Variants in CCDC201 observed in about 807,000 individuals in gnomAD.
The protein encoded by CCDC201 is coiled-coil domain-containing protein 201.
exon 2 of CCDC201, chr7:45,866,457 G>A (rs1206123343): frequency 6.6e-6 from 1 of 152,302 alleles, no homozygotes; most frequent in Non-Finnish European, 1.5e-5. Context: ...GATTGCTAGA[G>A]AGGGGCTCTC....
At chr7:45,873,920 CTTTTTTTTT>C (rs201948561), upstream of CCDC201, among the ~76,000 whole-genome samples, 4 of 121,408 alleles carry the variant, frequency 3.3e-5, no homozygotes, top group East Asian at 9.2e-4. Flanking sequence ...CATTTACTTA[CTTTTTTTTT>C]TTTTTTTTTT....
chr7:45,884,633 A>G, the CCDC201 span, among the ~76,000 whole-genome samples: 1 of 151,684 alleles, frequency 6.6e-6, no homozygotes, highest in African/African-American at 2.4e-5. Context: ...CTGTCATCCC[A>G]CCATCATCTC....
At chr7:45,878,631 T>A in the CCDC201 span, among the ~76,000 whole-genome samples, 1 of 152,210 alleles carries the variant, frequency 6.6e-6, no homozygotes. Context: ...GGGCACCATG[T>A]CCCAAGGCTG....
At chr7:45,873,679 C>A (rs886701557), upstream of CCDC201, among the ~76,000 whole-genome samples, 19 of 152,322 alleles carry the variant, frequency 1.2e-4, no homozygotes, top group African/African-American at 4.6e-4. Flanking sequence ...AAAGGCAACA[C>A]GTGCCACAGA....
At chr7:45,876,117 G>A (rs567764913), upstream of CCDC201, among the ~76,000 whole-genome samples, 1 of 152,268 alleles carries the variant, frequency 6.6e-6, no homozygotes, top group Non-Finnish European at 1.5e-5. Context: ...TGGTTAGAAG[G>A]GGTCAGAGGG....
At chr7:45,860,604 G>T (rs1786587141) in exon 3 of CCDC201, 1 of 152,260 alleles carries the variant, frequency 6.6e-6, no homozygotes, top group African/African-American at 2.4e-5. Flanking sequence ...TAGAAATCTT[G>T]CCCTATGTCT....
chr7:45,871,633 C>A (rs999933307), intron 1 of CCDC201, among the ~76,000 whole-genome samples: 1 of 152,082 alleles, frequency 6.6e-6, no homozygotes, highest in Admixed American at 6.6e-5. Context: ...AAAAGATACA[C>A]CAATGCAAAG....
chr7:45,867,393 G>A (rs1374733292), intron 1 of CCDC201, among the ~76,000 whole-genome samples: 2 of 152,122 alleles, frequency 1.3e-5, no homozygotes, highest in Non-Finnish European at 2.9e-5. Context: ...TTGGTAGTAG[G>A]AGTAACAGTG....
At chr7:45,864,311 A>G (rs757557382) in intron 2 of CCDC201, among the ~76,000 whole-genome samples, 57 of 152,280 alleles carry the variant, frequency 3.7e-4, no homozygotes, top group Middle Eastern at 3.4e-3. Flanking sequence ...CATCCACAAC[A>G]TGCGTTCCAC....
chr7:45,875,599 C>T (rs554742025), upstream of CCDC201, among the ~76,000 whole-genome samples: 3 of 152,238 alleles, frequency 2.0e-5, no homozygotes, highest in South Asian at 6.2e-4. Flanking sequence ...TTTCTAAAAA[C>T]AACACCTAAT....
intron 1 of CCDC201, 123 bp from the exon 2 acceptor site, chr7:45,866,617 T>C (rs908931923): frequency 1.3e-5 from 2 of 152,228 alleles, no homozygotes; most frequent in Non-Finnish European, 2.9e-5. Flanking sequence ...CAGACCTAAG[T>C]TGTCGCCCAG....
intron 1 of CCDC201, among the ~76,000 whole-genome samples, chr7:45,868,672 GT>G (rs1473038855): frequency 6.6e-6 from 1 of 152,132 alleles, no homozygotes; most frequent in Non-Finnish European, 1.5e-5. Context: ...GATGAGCCCT[GT>G]ATTTTTCAAA....
At chr7:45,879,391 T>C in the CCDC201 span, among the ~76,000 whole-genome samples, 14 of 152,342 alleles carry the variant, frequency 9.2e-5, no homozygotes, top group African/African-American at 3.1e-4. Context: ...TTCATTCTCA[T>C]GCTGCTATAA....
chr7:45,881,168 G>A, the CCDC201 span, among the ~76,000 whole-genome samples: 20 of 152,100 alleles, frequency 1.3e-4, no homozygotes, highest in African/African-American at 4.6e-4. Context: ...TATGGGTGGC[G>A]AAGATTCTTG....
At chr7:45,883,924 C>T in the CCDC201 span, among the ~76,000 whole-genome samples, 2 of 152,060 alleles carry the variant, frequency 1.3e-5, no homozygotes, top group African/African-American at 4.8e-5. Context: ...CCCCAGGCGC[C>T]GGCTCCCTCC....
the CCDC201 span, among the ~76,000 whole-genome samples, chr7:45,881,904 A>T: frequency 2.0e-5 from 3 of 151,848 alleles, no homozygotes; most frequent in African/African-American, 7.3e-5. Flanking sequence ...ATTAGTGGGG[A>T]GTGTGGGCGA....
chr7:45,870,016 C>T (rs563303228), intron 1 of CCDC201, among the ~76,000 whole-genome samples: 1 of 152,212 alleles, frequency 6.6e-6, no homozygotes, highest in Non-Finnish European at 1.5e-5. Context: ...GGGGTTTTGC[C>T]ATGTTGTCCA....
At chr7:45,872,369 C>A (rs1007784620) in intron 1 of CCDC201, among the ~76,000 whole-genome samples, 2 of 152,174 alleles carry the variant, frequency 1.3e-5, no homozygotes, top group Non-Finnish European at 2.9e-5. Flanking sequence ...GTTTTAACTT[C>A]AGGTGGGATT....
the CCDC201 span, among the ~76,000 whole-genome samples, chr7:45,878,674 A>G: frequency 4.6e-5 from 7 of 152,246 alleles, no homozygotes; most frequent in African/African-American, 1.7e-4. Flanking sequence ...CCTGGCCCAC[A>G]AAGCCATTTG....
Sources: allele counts gnomAD v4.1 joint callset (sites outside exome capture counted in the v4.1 genomes callset), GRCh38; gene constraint gnomAD v4.1.1; transcripts MANE v1.5; gene names NCBI Gene and HGNC (gene_info 2026-07-23, HGNC 2026-07-21).